Variants in TBC1D22A observed in about 807,000 individuals in gnomAD.
TBC1D22A encodes the protein TBC1 domain family member 22A, also known as putative GTPase activator.
TBC1D22A carries 38 observed loss-of-function variants against 60.2 expected under a neutral mutation model. The observed-to-expected ratio is 0.63, with a 90% CI of 0.49 to 0.83. The LOEUF (loss-of-function observed/expected upper bound fraction) is 0.83, where lower values mean the gene tolerates loss of function less well. Ranked by LOEUF, TBC1D22A falls within the 40% of genes least tolerant of loss-of-function variation. TBC1D22A has a pLI of 0.00. For missense variants in TBC1D22A, 628 were observed against 701.0 expected, an observed-to-expected ratio of 0.90 and a Z score of 1.18; for synonymous variants, 302 against 281.7, an observed-to-expected ratio of 1.07 and a Z score of -0.72.
At chr22:46,944,645 A>T in intron 8 of TBC1D22A, among the ~76,000 whole-genome samples, 2 of 152,256 alleles carry the variant, frequency 1.3e-5, no homozygotes, top group South Asian at 2.1e-4. Flanking sequence ...TAATCTGCCC[A>T]CCTTGGCCTC....
intron 9 of TBC1D22A, among the ~76,000 whole-genome samples, chr22:46,983,173 C>T (rs961020913): frequency 8.5e-5 from 13 of 152,276 alleles, no homozygotes; most frequent in South Asian, 2.1e-4. Flanking sequence ...GGATCTGGCA[C>T]GGCAGACCAT....
chr22:47,156,829 C>A (rs953974013), intron 12 of TBC1D22A, among the ~76,000 whole-genome samples: 1 of 152,180 alleles, frequency 6.6e-6, no homozygotes, highest in Admixed American at 6.5e-5. Flanking sequence ...CACTGCTGCC[C>A]GCGCCGACCA....
At chr22:46,904,901 T>A (rs903032776) in intron 7 of TBC1D22A, among the ~76,000 whole-genome samples, 5 of 151,456 alleles carry the variant, frequency 3.3e-5, no homozygotes, top group African/African-American at 1.2e-4. Context: ...CAGCCTCCTG[T>A]GTAGCTGGGA....
intron 3 of TBC1D22A, 105 bp from the exon 4 acceptor site, chr22:46,797,339 A>C (rs1423469694): frequency 7.9e-7 from 1 of 1,268,166 alleles, no homozygotes; most frequent in Non-Finnish European, 1.1e-6. Context: ...AGTGATGGGA[A>C]GAAGGGACCC....
At chr22:46,802,728 CAG>C (rs1451325664) in intron 4 of TBC1D22A, among the ~76,000 whole-genome samples, 2 of 152,038 alleles carry the variant, frequency 1.3e-5, no homozygotes, top group East Asian at 1.9e-4. Context: ...TGCTTCTGAG[CAG>C]AGTGTTGCCA....
In TBC1D22A at chr22:47,063,012, C is replaced by T. The variant is rs116216657; in HGVS notation, c.1329+25814C>T. 7.4e-3 allele frequency among the ~76,000 whole-genome samples: 1,133 copies of T among 152,250 alleles called. 13 individuals are homozygous for T. Among genetic ancestry groups the T allele is most frequent in the African/African-American group, 0.026 (1,099 of 41,526 alleles). ...ACATGGAAACAGGGAGAAGGTGCCA[C>T]TGTGGTGACCCCAGAGGAAGGAGGC... is the stretch of plus-strand genomic sequence containing the variant. On this transcript the variant is annotated intron_variant, in intron 11 of 12. Transcript: ENST00000337137.
chr22:46,923,143 A>G (rs1489826050), intron 8 of TBC1D22A, among the ~76,000 whole-genome samples: 1 of 152,246 alleles, frequency 6.6e-6, no homozygotes, highest in East Asian at 1.9e-4. Context: ...GAAACAGTAT[A>G]GAGATACTGG....
intron 8 of TBC1D22A, among the ~76,000 whole-genome samples, chr22:46,923,598 T>A (rs957769866): frequency 1.3e-5 from 2 of 152,256 alleles, no homozygotes; most frequent in African/African-American, 4.8e-5. Flanking sequence ...TGAGCCAGGG[T>A]GCGGGGCACT....
At chr22:46,968,763 AAG>A (rs1163582990) in intron 8 of TBC1D22A, among the ~76,000 whole-genome samples, 2 of 152,214 alleles carry the variant, frequency 1.3e-5, no homozygotes, top group African/African-American at 4.8e-5. Context: ...TGGATGTGGA[AAG>A]AGGGGCCAAG....
At chr22:46,861,894 T>G (rs2087909572) in intron 4 of TBC1D22A, among the ~76,000 whole-genome samples, 1 of 152,206 alleles carries the variant, frequency 6.6e-6, no homozygotes, top group African/African-American at 2.4e-5. Context: ...CATGAGAACA[T>G]GTCTGTAGAA....
chr22:46,984,476 T>C (rs1025564748), intron 9 of TBC1D22A, among the ~76,000 whole-genome samples: 6 of 151,382 alleles, frequency 4.0e-5, no homozygotes, highest in African/African-American at 1.5e-4. Flanking sequence ...TGCCAGTCTT[T>C]TCATTTCACT....
chr22:46,924,613 C>T (rs1358811559), intron 8 of TBC1D22A, among the ~76,000 whole-genome samples: 4 of 152,046 alleles, frequency 2.6e-5, no homozygotes, highest in Admixed American at 1.3e-4. Flanking sequence ...GGCATGGTGG[C>T]GCATGCCTGT....
At chr22:47,069,923 T>G (rs1269414596) in intron 11 of TBC1D22A, among the ~76,000 whole-genome samples, 1 of 137,264 alleles carries the variant, frequency 7.3e-6, no homozygotes, top group Non-Finnish European at 1.6e-5. Context: ...TGTCCCCTGT[T>G]GTTTGGTTGG....
chr22:47,103,840 T>C (rs1333978528), intron 11 of TBC1D22A, among the ~76,000 whole-genome samples: 1 of 152,136 alleles, frequency 6.6e-6, no homozygotes, highest in Non-Finnish European at 1.5e-5. Context: ...ATACATAAAT[T>C]CTCATCAGAT....
At chr22:47,168,882 T>C (rs1466068199) in intron 12 of TBC1D22A, among the ~76,000 whole-genome samples, 1 of 152,238 alleles carries the variant, frequency 6.6e-6, no homozygotes, top group South Asian at 2.1e-4. Flanking sequence ...CTCTTCAGTG[T>C]CAGGAGCCTC....
At chr22:47,115,893 A>T (rs2066024816) in intron 12 of TBC1D22A, 1 of 152,252 alleles carries the variant, frequency 6.6e-6, no homozygotes, top group Non-Finnish European at 1.5e-5. Flanking sequence ...TAAGTGCCTG[A>T]TGTCGGCATT....
chr22:47,011,255 T>C (rs1239395105), intron 10 of TBC1D22A, among the ~76,000 whole-genome samples: 3 of 152,120 alleles, frequency 2.0e-5, no homozygotes, highest in Non-Finnish European at 4.4e-5. Context: ...GACTTGCCTG[T>C]CTCTGCTCCA....
intron 8 of TBC1D22A, among the ~76,000 whole-genome samples, chr22:46,936,415 A>T (rs1333183666): frequency 6.6e-6 from 1 of 152,054 alleles, no homozygotes; most frequent in Non-Finnish European, 1.5e-5. Flanking sequence ...AGCTTTCAGG[A>T]TTCCTCCAGA....
rs1434552999 is a variant in TBC1D22A at position 46,942,025 on chromosome 22, A to ATT, written c.1015+29838_1015+29839dup. Among the ~76,000 whole-genome samples the ATT allele has an allele frequency of 6.1e-5, 7 of 114,454 alleles. No homozygotes were observed. In the East Asian group the frequency reaches 1.5e-3, roughly 25 times the overall value. The allele number at this position is 114,454 out of a possible 152,430, so 75.1% of individuals were successfully genotyped here. On this transcript the variant is annotated intron_variant, in intron 8 of 12. Transcript: ENST00000337137. ...CCAGCATACATATATATATATATAT[A>ATT]TTATATATATATATACACACAGTCC...
Sources: gnomAD v4.1 joint callset for allele counts (sites outside exome capture counted in the v4.1 genomes callset) on GRCh38, gnomAD v4.1.1 for gene constraint, MANE v1.5 for transcripts, NCBI Gene and HGNC (gene_info 2026-07-23, HGNC 2026-07-21) for gene names.